The following CAMK2D variants were observed in gnomAD, a reference collection of about 807,000 sequenced individuals.
CAMK2D encodes the protein calcium/calmodulin-dependent protein kinase type II subunit delta.
A neutral mutation model predicts 84.0 loss-of-function variants in CAMK2D; 37 were observed. That is an observed-to-expected ratio of 0.44 (90% CI 0.34 to 0.58). The LOEUF is 0.58. CAMK2D is among the 20% of genes least tolerant of loss of function. CAMK2D has a pLI of 0.02. For missense variants in CAMK2D, 448 were observed against 652.5 expected, an observed-to-expected ratio of 0.69 and a Z score of 3.41; for synonymous variants, 202 against 212.5, an observed-to-expected ratio of 0.95 and a Z score of 0.43.
intron 16 of CAMK2D, among the ~76,000 whole-genome samples, chr4:113,494,902 T>G (rs938110357): frequency 5.9e-5 from 9 of 152,206 alleles, no homozygotes; most frequent in African/African-American, 2.2e-4. Context: ...GACCCGATTT[T>G]CCAGGTCCCG....
At chr4:113,629,213 T>C (rs2099079634) in intron 3 of CAMK2D, among the ~76,000 whole-genome samples, 1 of 152,074 alleles carries the variant, frequency 6.6e-6, no homozygotes, top group Non-Finnish European at 1.5e-5. Context: ...GAAAACCTTT[T>C]AGAAACTACT....
chr4:113,722,336 C>G (rs1441792291), intron 2 of CAMK2D, among the ~76,000 whole-genome samples: 7 of 152,028 alleles, frequency 4.6e-5, no homozygotes, highest in Admixed American at 4.6e-4. Context: ...TATGGAATGG[C>G]ACAGTACATT....
At chr4:113,694,221 T>A (rs2099396459) in intron 2 of CAMK2D, among the ~76,000 whole-genome samples, 1 of 152,146 alleles carries the variant, frequency 6.6e-6, no homozygotes, top group Non-Finnish European at 1.5e-5. Flanking sequence ...ACCCCCAGAT[T>A]AATGGAGCAT....
At position 113,737,575 on chromosome 4, in the gene CAMK2D, C is replaced by G. The variant is rs142499443; in HGVS notation, c.160+21745G>C. On this transcript the variant is annotated intron_variant, in intron 2 of 20. Transcript: ENST00000511664. Reference sequence around the variant, plus strand: ...GAGATAGATATTGGTGAAAGTTGTACGACGATGTGAATATACTTAATGCCA... The same window carrying G: ...GAGATAGATATTGGTGAAAGTTGTAGGACGATGTGAATATACTTAATGCCA... Among the ~76,000 whole-genome samples the G allele has an allele frequency of 3.6e-3, 542 of 152,074 alleles. 3 individuals are homozygous for G. Among genetic ancestry groups the G allele is most frequent in the African/African-American group, 0.012 (505 of 41,508 alleles).
intron 3 of CAMK2D, among the ~76,000 whole-genome samples, chr4:113,621,956 C>T (rs2099048046): frequency 6.6e-6 from 1 of 152,142 alleles, no homozygotes; most frequent in Non-Finnish European, 1.5e-5. Flanking sequence ...ATGTCTTCAT[C>T]TATATGGGGC....
At chr4:113,665,907 C>T (rs146575317) in intron 2 of CAMK2D, among the ~76,000 whole-genome samples, 18 of 152,164 alleles carry the variant, frequency 1.2e-4, no homozygotes, top group African/African-American at 4.3e-4. Context: ...ATAATATTAC[C>T]AGTAGAAAGA....
intron 19 of CAMK2D, 41 bp from the exon 20 acceptor site, chr4:113,455,862 G>A (rs201528950): frequency 1.6e-6 from 2 of 1,262,612 alleles, no homozygotes; most frequent in South Asian, 1.2e-5. Context: ...GGCATAAAAT[G>A]AAGTTTTCTT....
At chr4:113,733,239 G>T (rs1162687428) in intron 2 of CAMK2D, among the ~76,000 whole-genome samples, 1 of 152,166 alleles carries the variant, frequency 6.6e-6, no homozygotes, top group Non-Finnish European at 1.5e-5. Context: ...GATTTCAAAA[G>T]AAATCTTTTG....
intron 2 of CAMK2D, among the ~76,000 whole-genome samples, chr4:113,697,879 C>T (rs1180941317): frequency 6.6e-6 from 1 of 152,082 alleles, no homozygotes; most frequent in Non-Finnish European, 1.5e-5. Context: ...TTCCTTTCTG[C>T]TCACAAAACT....
At chr4:113,455,647 CTCA>C in intron 20 of CAMK2D, 76 bp downstream of exon 20, 1 of 779,950 alleles carries the variant, frequency 1.3e-6, no homozygotes, top group Middle Eastern at 2.4e-4. Flanking sequence ...AAAAAATATC[CTCA>C]AAAGGAAGGA....
chr4:113,644,493 T>C (rs1294623904), intron 3 of CAMK2D, among the ~76,000 whole-genome samples: 1 of 152,128 alleles, frequency 6.6e-6, no homozygotes, highest in East Asian at 1.9e-4. Context: ...GGTTGGCAGA[T>C]GAAGGCACCA....
At chr4:113,655,924 A>G (rs1159884112) in intron 3 of CAMK2D, among the ~76,000 whole-genome samples, 3 of 152,118 alleles carry the variant, frequency 2.0e-5, no homozygotes, top group Non-Finnish European at 4.4e-5. Context: ...CCTCAAATCA[A>G]AGACCAAGAA....
intron 4 of CAMK2D, among the ~76,000 whole-genome samples, chr4:113,607,949 G>A (rs2098985030): frequency 6.6e-6 from 1 of 152,240 alleles, no homozygotes; most frequent in Non-Finnish European, 1.5e-5. Flanking sequence ...AATGCCAGTT[G>A]TAATTTCATT....
intron 4 of CAMK2D, among the ~76,000 whole-genome samples, chr4:113,593,933 CTAGTGTAT>C (rs1440172885): frequency 2.0e-5 from 3 of 151,734 alleles, no homozygotes; most frequent in African/African-American, 7.3e-5. Context: ...TTTTCCTAAC[CTAGTGTAT>C]TAGTCCATTC....
rs149806599 is a variant in CAMK2D at position 113,740,728 on chromosome 4, T to C, written c.160+18592A>G. Among the ~76,000 whole-genome samples the C allele has an allele frequency of 3.3e-5, 5 of 152,168 alleles. No individual in the cohort carries two copies. The East Asian group carries it at 9.7e-4, about 29-fold the overall frequency. On this transcript the variant is annotated intron_variant, in intron 2 of 20. Coordinates refer to ENST00000511664, the MANE Select transcript of CAMK2D (RefSeq NM_001321571.2). ...CACTTTCCCTCACACCTCACAACCT[T>C]TCCATCAGCAAGTCCTAAATTTCCT...
intron 8 of CAMK2D, among the ~76,000 whole-genome samples, chr4:113,526,418 G>A (rs1050572181): frequency 4.6e-5 from 7 of 151,218 alleles, no homozygotes; most frequent in African/African-American, 7.3e-5. Flanking sequence ...TTCTTGATGT[G>A]TGTGTGTGTG....
chr4:113,543,383 AT>A (rs34298070), intron 6 of CAMK2D, among the ~76,000 whole-genome samples: 54,705 of 141,504 alleles, frequency 0.39, 10,303 homozygotes, highest in Non-Finnish European at 0.45. Context: ...ATATATATTG[AT>A]TTTTTTTTTT....
intron 3 of CAMK2D, among the ~76,000 whole-genome samples, chr4:113,615,191 C>T (rs1020043933): frequency 3.3e-5 from 5 of 152,028 alleles, no homozygotes; most frequent in African/African-American, 1.2e-4. Context: ...CAAGCACTAG[C>T]CAAGTTAGGC....
At chr4:113,468,254 T>A (rs2097501914) in intron 16 of CAMK2D, among the ~76,000 whole-genome samples, 1 of 152,216 alleles carries the variant, frequency 6.6e-6, no homozygotes, top group Admixed American at 6.5e-5. Flanking sequence ...TTAAGGGTTG[T>A]CCTGCATAAA....
Sources: allele counts gnomAD v4.1 joint callset (sites outside exome capture counted in the v4.1 genomes callset), GRCh38; gene constraint gnomAD v4.1.1; transcripts MANE v1.5; gene names NCBI Gene and HGNC (gene_info 2026-07-23, HGNC 2026-07-21).